The following MYO18A variants were observed in gnomAD, a reference collection of about 807,000 sequenced individuals.
The protein encoded by MYO18A is myosin XVIIIA, also known as unconventional myosin-XVIIIa.
Under a neutral mutation model 235.8 loss-of-function variants are expected in MYO18A, and 78 were observed. The ratio of observed to expected loss-of-function variants is 0.33; its 90% CI spans 0.28 to 0.40. The LOEUF (loss-of-function observed/expected upper bound fraction) is 0.40, where lower values mean the gene tolerates loss of function less well. MYO18A is among the 10% of genes least tolerant of loss of function. MYO18A has a pLI of 1.00. For missense variants in MYO18A, 2,215 were observed against 2,699.3 expected (o/e 0.82, Z 3.98); for synonymous variants, 977 against 1,077.8 (o/e 0.91, Z 1.83).
chr17:29,166,752 G>A lies in MYO18A; in HGVS notation c.189C>T (p.Ser63=), dbSNP rs1411614544. 1 of 1,613,892 alleles carries A rather than the reference G, an allele frequency of 6.2e-7. No individual in the cohort carries two copies. The highest frequency in any genetic ancestry group is 8.5e-7 in the Non-Finnish European group (1 of 1,179,874). ...TGGCCACCTTGATGGGGATGGGGTTGGAGATTTCCAGGCGCGTCTTGGATT... is the reference window on the plus strand; with the variant it reads ...TGGCCACCTTGATGGGGATGGGGTTAGAGATTTCCAGGCGCGTCTTGGATT... ...KRESKTRLEI[S]NPIPIKVASG... Residue 63 remains serine (S), a synonymous_variant, in exon 2 of 42, where the codon TCC becomes TCT. Coordinates refer to ENST00000527372, the MANE Select transcript of MYO18A (RefSeq NM_078471.4).
In MYO18A at chr17:29,089,971, T is replaced by C. The variant is rs772202672; in HGVS notation, c.5516A>G (p.Lys1839Arg). 1 of 1,614,036 alleles carries C rather than the reference T, an allele frequency of 6.2e-7. No individual in the cohort carries two copies. The highest frequency in any genetic ancestry group is 1.7e-5 in the Admixed American group (1 of 60,026). Residue 1839 changes from lysine (K) to arginine (R), a missense_variant, in exon 37 of 42, where the codon AAA becomes AGA. Transcript: ENST00000527372. ...GAAGTGTGAACCCACCTCCAGCCGT[T>C]TCACTTGCGTCCTTTCAAACTCCAG... ...TRLEFERTQV[K>R]RLESLASRLK...
intron 2 of MYO18A, among the ~76,000 whole-genome samples, chr17:29,154,524 C>T (rs557336280): frequency 2.0e-5 from 3 of 152,174 alleles, no homozygotes; most frequent in South Asian, 2.1e-4. Flanking sequence ...TGCTGGTCAC[C>T]GATTCCAGGA....
At chr17:29,093,204 C>A in intron 32 of MYO18A, 119 bp downstream of exon 32, 1 of 1,101,772 alleles carries the variant, frequency 9.1e-7, no homozygotes, top group East Asian at 2.6e-5. Context: ...ACGATGGGCT[C>A]TTTGCAGCAC....
At chr17:29,094,587 G>A in intron 30 of MYO18A, 63 bp downstream of exon 30, 1 of 1,545,314 alleles carries the variant, frequency 6.5e-7, no homozygotes, top group African/African-American at 1.4e-5. Context: ...GCCTGAGGCT[G>A]GCTGTGGGGA....
chr17:29,093,810 ACT>A (rs1376406469), intron 31 of MYO18A, among the ~76,000 whole-genome samples, 168 bp downstream of exon 31: 1 of 151,590 alleles, frequency 6.6e-6, no homozygotes, highest in Non-Finnish European at 1.5e-5. Context: ...TTCTCTACAG[ACT>A]CTGAGCCAAT....
At chr17:29,164,962 TAAAG>T (rs1217357776) in intron 2 of MYO18A, among the ~76,000 whole-genome samples, 1 of 152,212 alleles carries the variant, frequency 6.6e-6, no homozygotes, top group Non-Finnish European at 1.5e-5. Context: ...GGAGAGGTAA[TAAAG>T]ACTCTTGGAG....
At chr17:29,171,305 C>T (rs1403258776) in intron 1 of MYO18A, among the ~76,000 whole-genome samples, 1 of 152,086 alleles carries the variant, frequency 6.6e-6, no homozygotes, top group African/African-American at 2.4e-5. Flanking sequence ...GGCGTGGCAG[C>T]ACACACCTGT....
chr17:29,167,903 T>C (rs2068318299), intron 1 of MYO18A, among the ~76,000 whole-genome samples: 1 of 152,162 alleles, frequency 6.6e-6, no homozygotes, highest in African/African-American at 2.4e-5. Context: ...TGACTACCAC[T>C]GGCTAGGCCT....
intron 2 of MYO18A, among the ~76,000 whole-genome samples, chr17:29,136,246 A>ATATAT (rs1294513472): frequency 5.7e-5 from 4 of 69,750 alleles, no homozygotes; most frequent in Admixed American, 1.5e-4. Flanking sequence ...AAAAAAAAAA[A>ATATAT]AAAAATATAT....
chr17:29,073,947 G>A lies in MYO18A; in HGVS notation c.*823C>T, dbSNP rs376612385. On this transcript the variant is annotated 3_prime_UTR_variant, in exon 42 of 42. Transcript: ENST00000527372. ...GTGCTTGGATCAGCCCTGAACTGCT[G>A]TAGTTGGAATGGGTTTACCTTAAAT... 6.2e-7 allele frequency: 1 copy of A among 1,614,146 alleles called. No individual in the cohort carries two copies. The highest frequency in any genetic ancestry group is 1.7e-5 in the Admixed American group (1 of 60,022).
At chr17:29,134,005 ATTGGAGTAAG>A in intron 2 of MYO18A, 1 of 416,510 alleles carries the variant, frequency 2.4e-6, no homozygotes, top group South Asian at 2.0e-5. Flanking sequence ...TCAAGAGGGC[ATTGGAGTAAG>A]GAATAAAATA....
intron 2 of MYO18A, chr17:29,128,377 G>A: frequency 7.8e-7 from 1 of 1,287,690 alleles, no homozygotes; most frequent in Non-Finnish European, 1.0e-6. Flanking sequence ...TCCGGGACAG[G>A]CCCTGGGCCT....
intron 30 of MYO18A, 106 bp downstream of exon 30, chr17:29,094,544 G>C: frequency 8.8e-7 from 1 of 1,140,006 alleles, no homozygotes; most frequent in South Asian, 1.4e-5. Flanking sequence ...GAGTGAATAC[G>C]CGAATGAATG....
chr17:29,099,171 G>A (rs1050749028), intron 22 of MYO18A, among the ~76,000 whole-genome samples: 11 of 152,154 alleles, frequency 7.2e-5, no homozygotes, highest in African/African-American at 2.7e-4. Flanking sequence ...ACCCAGCCCT[G>A]GGAGCACTGC....
chr17:29,112,593 T>A (rs1030309646), intron 15 of MYO18A, among the ~76,000 whole-genome samples: 3 of 152,218 alleles, frequency 2.0e-5, no homozygotes, highest in African/African-American at 4.8e-5. Context: ...TAATTCTAAT[T>A]TCCAATATCC....
In MYO18A at chr17:29,109,801, C is replaced by T. The variant is rs574333683; in HGVS notation, c.3331+57G>A. The T allele has an allele frequency of 4.4e-5, 67 of 1,531,186 alleles. No homozygotes were observed. The highest frequency in any genetic ancestry group is 3.6e-4 in the African/African-American group (26 of 72,642). 94.8% of individuals were successfully genotyped at this position (1,531,186 alleles called of 1,614,324 possible). A position where few individuals can be genotyped will look rare whatever the true frequency, so the allele number is the denominator to read the frequency against. ...ACGGGTCGCAGGTGGGAGGTGGGGCCGGGCAGGGCCAGCTCTGGAAAAGAG... is the reference window on the plus strand; with the variant it reads ...ACGGGTCGCAGGTGGGAGGTGGGGCTGGGCAGGGCCAGCTCTGGAAAAGAG... On this transcript the variant is annotated intron_variant, in intron 19 of 41. Transcript: ENST00000527372. The surrounding 1 kb of genome is among the most constrained non-coding windows in gnomAD (Gnocchi z 4.1).
At chr17:29,097,077 G>A in intron 27 of MYO18A, 146 bp downstream of exon 27, 1 of 1,392,406 alleles carries the variant, frequency 7.2e-7, no homozygotes, top group East Asian at 2.5e-5. Flanking sequence ...GCTCCTGATT[G>A]CCCCTGCACC....
chr17:29,116,049 G>C (rs1388117864), intron 11 of MYO18A, among the ~76,000 whole-genome samples: 1 of 152,228 alleles, frequency 6.6e-6, no homozygotes, highest in East Asian at 1.9e-4. Flanking sequence ...GGTCCTAAAG[G>C]AGGAGGTAAC....
rs1426687124 is a variant in MYO18A, at chr17:29,166,451, A to T, written c.490T>A (p.Ser164Thr). 3 of 1,613,666 alleles carry T rather than the reference A, an allele frequency of 1.9e-6. No individual in the cohort carries two copies. Among genetic ancestry groups the T allele is most frequent in the Non-Finnish European group, 2.5e-6 (3 of 1,179,850 alleles). Residue 164 changes from serine to threonine, a missense_variant, in exon 2 of 42, where the codon TCG becomes ACG. Transcript: ENST00000527372. Reference protein sequence around the residue: ...STPSEHSAAPSPQVEVRTLEG... With the variant: ...STPSEHSAAPTPQVEVRTLEG... ...AGAGTCCTCACCTCCACCTGTGGCG[A>T]GGGGGCGGCAGAGTGCTCTGAGGGC...
Sources: gnomAD v4.1 joint callset for allele counts (sites outside exome capture counted in the v4.1 genomes callset) on GRCh38, gnomAD v4.1.1 for gene constraint, Gnocchi (gnomAD v3.1) non-coding constraint, MANE v1.5 for transcripts, NCBI Gene and HGNC (gene_info 2026-07-23, HGNC 2026-07-21) for gene names.